Variants in HSD17B8 observed in about 807,000 individuals in gnomAD.
HSD17B8 encodes hydroxysteroid 17-beta dehydrogenase 8, also known as (3R)-3-hydroxyacyl-CoA dehydrogenase.
In HSD17B8, 23 loss-of-function variants were observed where a neutral mutation model predicts 33.2. That is an observed-to-expected ratio of 0.69 (90% CI 0.50 to 0.98). The LOEUF (loss-of-function observed/expected upper bound fraction) is 0.98. Among genes scored for constraint, HSD17B8 ranks in the 50% least tolerant of loss-of-function variants. The pLI, the probability that HSD17B8 is intolerant of heterozygous loss-of-function variation, is 0.00. For synonymous variants in HSD17B8, 137 were observed against 138.6 expected (o/e 0.99, Z 0.08); for missense variants, 345 against 347.5 (o/e 0.99, Z 0.06).
In HSD17B8 at chr6:33,205,481, C is replaced by G; in HGVS notation, c.422C>G (p.Ala141Gly). The change falls in exon 4 of 9, where the codon GCC (alanine) becomes GGC (glycine). Residue 141 changes from alanine to glycine, a missense_variant. Coordinates refer to ENST00000374662, the MANE Select transcript of HSD17B8 (RefSeq NM_014234.5). The surrounding 1 kb of genome is among the most constrained non-coding windows in gnomAD (Gnocchi z 5.0). ...TFLVTQAAAQ[A>G]LVSNGCRGSI... ...CTAGTCACTCAGGCTGCAGCACAAGCCCTGGTGTCCAATGGTTGTCGTGGT... is the reference window on the plus strand; with the variant it reads ...CTAGTCACTCAGGCTGCAGCACAAGGCCTGGTGTCCAATGGTTGTCGTGGT... 1 of 1,613,142 alleles carries G rather than the reference C, an allele frequency of 6.2e-7. No homozygotes were observed. Among genetic ancestry groups the G allele is most frequent in the Non-Finnish European group, 8.5e-7 (1 of 1,180,040 alleles).
chr6:33,205,983 GA>G lies in HSD17B8; in HGVS notation c.651+72del. 7.0e-7 allele frequency: 1 copy of G among 1,423,598 alleles called. No individual in the cohort carries two copies. The highest frequency in any genetic ancestry group is 2.3e-5 in the East Asian group (1 of 43,892). The allele number at this position is 1,423,598 out of a possible 1,614,324, so 88.2% of individuals were successfully genotyped here. ...TCTCTGGGCTTCACAGAGAGAGAGAGAGAGAGAGAGAGAGAATACTGGGCAC... is the reference window on the plus strand; with the variant it reads ...TCTCTGGGCTTCACAGAGAGAGAGAGGAGAGAGAGAGAGAATACTGGGCAC... On this transcript the variant is annotated intron_variant, in intron 6 of 8. Transcript: ENST00000374662. This position sits in a 1 kb window ranked among gnomAD's most constrained non-coding sequence, Gnocchi z 5.0.
In HSD17B8 at chr6:33,205,946, A is replaced by C. The variant is rs748261942; in HGVS notation, c.651+34A>C. On this transcript the variant is annotated intron_variant, in intron 6 of 8. Coordinates refer to ENST00000374662, the MANE Select transcript of HSD17B8 (RefSeq NM_014234.5). This position sits in a 1 kb window ranked among gnomAD's most constrained non-coding sequence, Gnocchi z 5.0. ...CTGTGGGTGGAGGGCAGAATCATTC[A>C]GAGACTCAATCTCTCTGGGCTTCAC... 2 of 1,543,858 alleles carry C rather than the reference A, an allele frequency of 1.3e-6. No homozygotes were observed. The highest frequency in any genetic ancestry group is 1.8e-6 in the Non-Finnish European group (2 of 1,119,068).
Position 33,206,062 on chromosome 6 carries a change from A to AT in HSD17B8, c.652-72_652-71insT. Reference sequence around the variant, plus strand: ...TGAATGTATGAGAAATGAAGACAAAAAAGGGTCACAGACTCAGTCTTCAAA... The same window carrying AT: ...TGAATGTATGAGAAATGAAGACAAAATAAGGGTCACAGACTCAGTCTTCAAA... On this transcript the variant is annotated intron_variant, in intron 6 of 8. Transcript: ENST00000374662. The surrounding 1 kb of genome is among the most constrained non-coding windows in gnomAD (Gnocchi z 6.2). 6.5e-7 allele frequency: 1 copy of AT among 1,534,564 alleles called. No homozygotes were observed. The highest frequency in any genetic ancestry group is 1.8e-5 in the Admixed American group (1 of 56,086).
Position 33,206,697 on chromosome 6 carries a change from T to G in HSD17B8, c.*43T>G, listed in dbSNP as rs752714032. 35 of 1,604,398 alleles carry G rather than the reference T, an allele frequency of 2.2e-5. No individual in the cohort carries two copies. The highest frequency in any genetic ancestry group is 3.0e-5 in the Non-Finnish European group (35 of 1,171,184). On this transcript the variant is annotated 3_prime_UTR_variant, in exon 9 of 9. Coordinates refer to ENST00000374662, the MANE Select transcript of HSD17B8 (RefSeq NM_014234.5). The surrounding 1 kb of genome is among the most constrained non-coding windows in gnomAD (Gnocchi z 6.2). ...GACTCTGCTCACCCCCCCACCACTC[T>G]GCCTGGCCTCCTGCTGATGAGGACT...
chr6:33,204,846 C>T (rs1774915734), intron 1 of HSD17B8, 56 bp from the exon 2 acceptor site: 1 of 1,512,440 alleles, frequency 6.6e-7, no homozygotes, highest in Non-Finnish European at 8.9e-7. Context: ...CCTGTGACCT[C>T]TGATCCCTGC....
In HSD17B8 at chr6:33,205,045, C is replaced by A; in HGVS notation, c.196C>A (p.Arg66=). The A allele has an allele frequency of 6.4e-7, 1 of 1,551,280 alleles. No homozygotes were observed. Among genetic ancestry groups the A allele is most frequent in the Non-Finnish European group, 8.7e-7 (1 of 1,151,044 alleles). The change falls in exon 2 of 9, where the codon CGA becomes AGA. Residue 66 remains arginine, a synonymous_variant. Coordinates refer to ENST00000374662, the MANE Select transcript of HSD17B8 (RefSeq NM_014234.5). This position sits in a 1 kb window ranked among gnomAD's most constrained non-coding sequence, Gnocchi z 5.0. ...GGPGSKEGPP[R]GNHAAFQADV... ...GCCAGGGAGCAAGGAGGGGCCGCCC[C>A]GAGGGAACCATGCTGCCTTCCAGGC...
At position 33,206,470 on chromosome 6, in the gene HSD17B8, G is replaced by A. The variant is rs201422899; in HGVS notation, c.769+21G>A. ...CACTGGTATGAGGCCAGCATGGGGA[G>A]GGAGAGGGCAGAGAAGTAGAACCCA... On this transcript the variant is annotated intron_variant, in intron 8 of 8. Coordinates refer to ENST00000374662, the MANE Select transcript of HSD17B8 (RefSeq NM_014234.5). The surrounding 1 kb of genome is among the most constrained non-coding windows in gnomAD (Gnocchi z 6.2). 347 of 1,605,918 alleles carry A rather than the reference G, an allele frequency of 2.2e-4. No individual in the cohort carries two copies. Among genetic ancestry groups the A allele is most frequent in the Middle Eastern group, 1.8e-3 (11 of 6,042 alleles).
chr6:33,206,609 A>T lies in HSD17B8; in HGVS notation c.770-29A>T. On this transcript the variant is annotated intron_variant, in intron 8 of 8. Coordinates refer to ENST00000374662, the MANE Select transcript of HSD17B8 (RefSeq NM_014234.5). The surrounding 1 kb of genome is among the most constrained non-coding windows in gnomAD (Gnocchi z 6.2). ...AGCCCATTTGTGTCTCCACCCATGC[A>T]TCTGTCCAAATGTTTCTGCCCCTCC... 1 of 1,613,422 alleles carries T rather than the reference A, an allele frequency of 6.2e-7. No homozygotes were observed. The highest frequency in any genetic ancestry group is 8.5e-7 in the Non-Finnish European group (1 of 1,179,438).
rs574075966 is a variant in HSD17B8 at position 33,204,697 on chromosome 6, G to A, written c.29G>A (p.Arg10His). 9.4e-6 allele frequency: 15 copies of A among 1,602,998 alleles called. No homozygotes were observed. The highest frequency in any genetic ancestry group is 8.0e-5 in the African/African-American group (6 of 74,694). ...GCGTCTCAGCTCCAGAACCGACTCCGCTCCGCACTGGCCTTGGTCACAGGT... is the reference window on the plus strand; with the variant it reads ...GCGTCTCAGCTCCAGAACCGACTCCACTCCGCACTGGCCTTGGTCACAGGT... MASQLQNRL[R>H]SALALVTGAG... Residue 10 changes from arginine (R) to histidine (H), a missense_variant, in exon 1 of 9, where the codon CGC (arginine) becomes CAC (histidine). Physicochemically the swap from Arg to His is conservative, Grantham distance 29. Coordinates refer to ENST00000374662, the MANE Select transcript of HSD17B8 (RefSeq NM_014234.5).
In HSD17B8 at chr6:33,206,642, T is replaced by C; in HGVS notation, c.774T>C (p.Gly258=). The change falls in exon 9 of 9, where the codon GGT becomes GGC. Residue 258 remains glycine (G), a synonymous_variant. Coordinates refer to ENST00000374662, the MANE Select transcript of HSD17B8 (RefSeq NM_014234.5). This position sits in a 1 kb window ranked among gnomAD's most constrained non-coding sequence, Gnocchi z 6.2. ...AAATGTTTCTGCCCCTCCCAGGAGG[T>C]CTTTTCATGTAACTGCCTCAAGGAC... ...ITGTSVEVTG[G]LFM 2 of 1,613,646 alleles carry C rather than the reference T, an allele frequency of 1.2e-6. No homozygotes were observed. The highest frequency in any genetic ancestry group is 1.7e-6 in the Non-Finnish European group (2 of 1,179,890).
At position 33,206,325 on chromosome 6, in the gene HSD17B8, G is replaced by C. The variant is rs540925338; in HGVS notation, c.695-50G>C. On this transcript the variant is annotated intron_variant, in intron 7 of 8. Transcript: ENST00000374662. This position sits in a 1 kb window ranked among gnomAD's most constrained non-coding sequence, Gnocchi z 6.2. ...TTTGGTGGGAGATTATGGCTGTTTT[G>C]GGTCTATGGGAGTGAGCAGAATTCT... 1 of 1,584,048 alleles carries C rather than the reference G, an allele frequency of 6.3e-7. No homozygotes were observed. Among genetic ancestry groups the C allele is most frequent in the South Asian group, 1.1e-5 (1 of 90,476 alleles).
In HSD17B8 at chr6:33,205,997, G is replaced by GAGAGAA. The variant is rs2150694066; in HGVS notation, c.651+86_651+87insGAGAAA. ...AGAGAGAGAGAGAGAGAGAGAGAGA[G>GAGAGAA]AATACTGGGCACAGTTCCTGGCAAA... On this transcript the variant is annotated intron_variant, in intron 6 of 8. Coordinates refer to ENST00000374662, the MANE Select transcript of HSD17B8 (RefSeq NM_014234.5). The surrounding 1 kb of genome is among the most constrained non-coding windows in gnomAD (Gnocchi z 5.0). 7.5e-7 allele frequency: 1 copy of GAGAGAA among 1,328,560 alleles called. No homozygotes were observed. The highest frequency in any genetic ancestry group is 2.4e-5 in the East Asian group (1 of 42,012). 82.3% of individuals were successfully genotyped at this position (1,328,560 alleles called of 1,614,324 possible). A position where few individuals can be genotyped will look rare whatever the true frequency, so the allele number is the denominator to read the frequency against.
rs376172570 is a variant in HSD17B8 at position 33,204,657 on chromosome 6, C to A, written c.-12C>A. On this transcript the variant is annotated 5_prime_UTR_variant, in exon 1 of 9. Transcript: ENST00000374662. ...GCTTAGTGCTGGGATTCCCACCCAC[C>A]CACAGCCCGCCATGGCGTCTCAGCT... The A allele has an allele frequency of 3.0e-5, 49 of 1,612,816 alleles. No homozygotes were observed. The East Asian group carries it at 4.2e-4, about 14-fold the overall frequency.
Position 33,205,014 on chromosome 6 carries a change from G to A in HSD17B8, c.165G>A (p.Leu55=), listed in dbSNP as rs749983676. 1 of 1,513,208 alleles carries A rather than the reference G, an allele frequency of 6.6e-7. No individual in the cohort carries two copies. Among genetic ancestry groups the A allele is most frequent in the Non-Finnish European group, 8.8e-7 (1 of 1,136,856 alleles). 93.7% of individuals were successfully genotyped at this position (1,513,208 alleles called of 1,614,324 possible). The part of the protein sequence containing the change: ...RAAAQETVRL[L]GGPGSKEGPP... ...CGGCACAGGAGACGGTGCGGCTGCT[G>A]GGCGGGCCAGGGAGCAAGGAGGGGC... Residue 55 remains leucine, a synonymous_variant, in exon 2 of 9, where the codon CTG becomes CTA. Transcript: ENST00000374662. The surrounding 1 kb of genome is among the most constrained non-coding windows in gnomAD (Gnocchi z 5.0).
chr6:33,204,859 TCTC>T (rs1431274806), intron 1 of HSD17B8, 40 bp from the exon 2 acceptor site: 9 of 1,494,496 alleles, frequency 6.0e-6, no homozygotes, highest in Non-Finnish European at 6.3e-6. Context: ...ATCCCTGCCC[TCTC>T]CTCCCCGTGC....
At position 33,205,971 on chromosome 6, in the gene HSD17B8, CAGAGAGAGAGAG is replaced by C. The variant is rs3066410; in HGVS notation, c.651+75_651+86del. On this transcript the variant is annotated intron_variant, in intron 6 of 8. Transcript: ENST00000374662. The surrounding 1 kb of genome is among the most constrained non-coding windows in gnomAD (Gnocchi z 5.0). The stretch of plus-strand genomic sequence containing the variant: ...AGAGACTCAATCTCTCTGGGCTTCA[CAGAGAGAGAGAG>C]AGAGAGAGAGAGAGAATACTGGGCA... 2.7e-6 allele frequency: 3 copies of C among 1,101,800 alleles called. No homozygotes were observed. In the South Asian group the frequency reaches 4.0e-5, roughly 15 times the overall value. The allele number at this position is 1,101,800 out of a possible 1,614,324, so 68.3% of individuals were successfully genotyped here.
Position 33,205,208 on chromosome 6 carries a change from C to T in HSD17B8, c.271-13C>T, listed in dbSNP as rs751477353. 6 of 1,611,934 alleles carry T rather than the reference C, an allele frequency of 3.7e-6. 1 individual carries two copies. In the South Asian group the frequency reaches 5.5e-5, roughly 15 times the overall value. ...GTGGGGGGTTTTTGATGCGTAACCT[C>T]CCCCTCCCATAGGCCTGCTTTTCTC... On this transcript the variant is annotated splice_polypyrimidine_tract_variant and intron_variant, in intron 2 of 8. Coordinates refer to ENST00000374662, the MANE Select transcript of HSD17B8 (RefSeq NM_014234.5). The surrounding 1 kb of genome is among the most constrained non-coding windows in gnomAD (Gnocchi z 5.0).
Position 33,204,853 on chromosome 6 carries a change from C to A in HSD17B8, c.53-49C>A, listed in dbSNP as rs371052687. On this transcript the variant is annotated intron_variant, in intron 1 of 8. Transcript: ENST00000374662. ...CTTTCTGCCCTGTGACCTCTGATCC[C>A]TGCCCTCTCCTCCCCGTGCCCGGTC... The A allele has an allele frequency of 5.3e-5, 79 of 1,500,412 alleles. No homozygotes were observed. In the African/African-American group the frequency reaches 1.1e-3, roughly 21 times the overall value. 92.9% of individuals were successfully genotyped at this position (1,500,412 alleles called of 1,614,324 possible).
Position 33,204,678 on chromosome 6 carries a change from C to T in HSD17B8, c.10C>T (p.Gln4Ter), listed in dbSNP as rs1339078351. 3 of 1,612,626 alleles carry T rather than the reference C, an allele frequency of 1.9e-6. No homozygotes were observed. The African/African-American group carries it at 4.0e-5, about 22-fold the overall frequency. The change falls in exon 1 of 9, where the codon CAG becomes TAG. Residue 4 changes from glutamine (Q) to a stop codon, truncating the protein, a stop_gained. Coordinates refer to ENST00000374662, the MANE Select transcript of HSD17B8 (RefSeq NM_014234.5). LOFTEE classifies it high-confidence loss of function. Reference sequence around the variant, plus strand: ...CCACCCACAGCCCGCCATGGCGTCTCAGCTCCAGAACCGACTCCGCTCCGC... The same window carrying T: ...CCACCCACAGCCCGCCATGGCGTCTTAGCTCCAGAACCGACTCCGCTCCGC... MAS[Q>*]LQNRLRSALA...
Sources: gnomAD v4.1 joint callset for allele counts on GRCh38, gnomAD v4.1.1 for gene constraint, Gnocchi (gnomAD v3.1) non-coding constraint, MANE v1.5 for transcripts, NCBI Gene and HGNC (gene_info 2026-07-23, HGNC 2026-07-21) for gene names.